The following NCAM1 variants were observed in gnomAD, a reference collection of about 807,000 sequenced individuals.
NCAM1 encodes the protein neural cell adhesion molecule 1, also known as antigen recognized by monoclonal antibody 5.1H11.
In NCAM1, 14 loss-of-function variants were observed where a neutral mutation model predicts 109.8. That is an observed-to-expected ratio of 0.13 (90% CI 0.08 to 0.20). The LOEUF is 0.20. Ranked by LOEUF, NCAM1 falls within the 10% of genes least tolerant of loss-of-function variation. The pLI, the probability that NCAM1 is intolerant of heterozygous loss-of-function variation, is 1.00. For synonymous variants in NCAM1, 418 were observed against 442.9 expected (o/e 0.94, Z 0.70); for missense variants, 774 against 1,109.9 (o/e 0.70, Z 4.30).
At chr11:113,122,984 C>T (rs545617294) in intron 1 of NCAM1, among the ~76,000 whole-genome samples, 2 of 152,156 alleles carry the variant, frequency 1.3e-5, no homozygotes, top group South Asian at 4.2e-4. Flanking sequence ...TGTTCTCACT[C>T]ATATGTGGGA....
At position 113,275,280 on chromosome 11, in the gene NCAM1, G is replaced by A; in HGVS notation, c.2470G>A (p.Glu824Lys). ...GATTCTCTGCAGGAAGGGCCCCGTA[G>A]AAGCAAAGCCAGAGTGCCAGGAGAC... ...PLTEPEKGPV[E>K]AKPECQETET... Residue 824 changes from glutamate to lysine, a missense_variant, in exon 20 of 20, where the codon GAA becomes AAA. Glu to Lys is a moderately conservative substitution (Grantham distance 56). Transcript: ENST00000316851. 1 of 1,613,812 alleles carries A rather than the reference G, an allele frequency of 6.2e-7. No homozygotes were observed. The highest frequency in any genetic ancestry group is 8.5e-7 in the Non-Finnish European group (1 of 1,179,834).
intron 1 of NCAM1, among the ~76,000 whole-genome samples, chr11:113,099,290 A>G (rs541796951): frequency 6.6e-6 from 1 of 152,290 alleles, no homozygotes; most frequent in African/African-American, 2.4e-5. Context: ...GAAATCAGAG[A>G]TAAAGAATAA....
chr11:113,130,805 T>A (rs1716492393), intron 1 of NCAM1: 1 of 152,166 alleles, frequency 6.6e-6, no homozygotes, highest in South Asian at 2.1e-4. Flanking sequence ...AAAAGATAAG[T>A]GTGACCTTGT....
chr11:112,965,520 A>C (rs772310566), intron 1 of NCAM1, among the ~76,000 whole-genome samples: 3 of 152,192 alleles, frequency 2.0e-5, no homozygotes, highest in Non-Finnish European at 4.4e-5. Context: ...AAACAGCACC[A>C]TTTTGTCACT....
rs570712614 is a variant in NCAM1, at chr11:113,072,820, T to C, written c.52+111156T>C. ...GATTTCTAAGTATTTTACATTGTTT[T>C]TTATTTTTTTTTTCATTTTTTTGAC... is the stretch of plus-strand genomic sequence containing the variant. On this transcript the variant is annotated intron_variant, in intron 1 of 19. Transcript: ENST00000316851. 8.8e-4 allele frequency among the ~76,000 whole-genome samples: 51 copies of C among 57,958 alleles called. 1 individual carries two copies. The highest frequency in any genetic ancestry group is 3.2e-3 in the African/African-American group (50 of 15,752). The allele number at this position is 57,958 out of a possible 152,430, so 38.0% of individuals were successfully genotyped here.
At chr11:113,116,951 A>C (rs1940739748) in intron 1 of NCAM1, among the ~76,000 whole-genome samples, 1 of 151,936 alleles carries the variant, frequency 6.6e-6, no homozygotes, top group Non-Finnish European at 1.5e-5. Context: ...AATGTTCTGT[A>C]GTTGGTGAGC....
In NCAM1 at chr11:113,169,947, T is replaced by G. The variant is rs1177076139; in HGVS notation, c.53-32432T>G. Among the ~76,000 whole-genome samples, 4 of 152,170 alleles carry G rather than the reference T, an allele frequency of 2.6e-5. No homozygotes were observed. In the East Asian group the frequency reaches 7.7e-4, roughly 29 times the overall value. Reference sequence around the variant, plus strand: ...TTGTTTGTTTGACTGATTCTTTTTTTCAGGAGACATGAAATAACACATCCA... The same window carrying G: ...TTGTTTGTTTGACTGATTCTTTTTTGCAGGAGACATGAAATAACACATCCA... On this transcript the variant is annotated intron_variant, in intron 1 of 19. Transcript: ENST00000316851.
chr11:113,043,363 G>C (rs187652683), intron 1 of NCAM1, among the ~76,000 whole-genome samples: 1 of 152,130 alleles, frequency 6.6e-6, no homozygotes, highest in African/African-American at 2.4e-5. Context: ...TTGAGACAGA[G>C]TTTCACTCTT....
At chr11:113,023,702 G>T (rs1952459193) in intron 1 of NCAM1, among the ~76,000 whole-genome samples, 1 of 152,144 alleles carries the variant, frequency 6.6e-6, no homozygotes. Flanking sequence ...ATGTATTCAA[G>T]ATCAAGTTAT....
intron 1 of NCAM1, among the ~76,000 whole-genome samples, chr11:113,183,102 G>A (rs951910896): frequency 6.6e-6 from 1 of 152,180 alleles, no homozygotes; most frequent in Non-Finnish European, 1.5e-5. Context: ...AGACCTTCCT[G>A]GCAAGATACA....
chr11:113,188,296 A>G (rs76660897), intron 1 of NCAM1, among the ~76,000 whole-genome samples: 4,128 of 152,270 alleles, frequency 0.027, 181 homozygotes, highest in African/African-American at 0.094. Flanking sequence ...CTCATCCTCT[A>G]TGATGAGACC....
intron 1 of NCAM1, among the ~76,000 whole-genome samples, chr11:112,984,625 A>G (rs1951246317): frequency 6.6e-6 from 1 of 151,812 alleles, no homozygotes; most frequent in Non-Finnish European, 1.5e-5. Context: ...TGTGATTTTG[A>G]TTTGTATTTT....
chr11:113,259,397 A>C (rs1461737439), intron 16 of NCAM1, among the ~76,000 whole-genome samples: 1 of 152,234 alleles, frequency 6.6e-6, no homozygotes, highest in Non-Finnish European at 1.5e-5. Context: ...GTATTCACAC[A>C]TCAGGAAGGT....
chr11:113,075,383 C>G (rs1045238166), intron 1 of NCAM1, among the ~76,000 whole-genome samples: 1 of 152,144 alleles, frequency 6.6e-6, no homozygotes, highest in Admixed American at 6.5e-5. Context: ...ATTATAAACC[C>G]TCTGCTTCCC....
intron 1 of NCAM1, chr11:112,977,500 C>T (rs74727347): frequency 6.6e-6 from 1 of 151,722 alleles, no homozygotes; most frequent in African/African-American, 2.4e-5. Context: ...AAATCATTCA[C>T]TATTTAAAAA....
At chr11:113,243,961 G>A (rs782326598) in intron 14 of NCAM1, among the ~76,000 whole-genome samples, 3 of 152,060 alleles carry the variant, frequency 2.0e-5, no homozygotes, top group South Asian at 2.1e-4. Flanking sequence ...TGTGTGCTGC[G>A]ATGAATTTTA....
chr11:112,964,259 T>G (rs1183250177), intron 1 of NCAM1, among the ~76,000 whole-genome samples: 1 of 150,776 alleles, frequency 6.6e-6, no homozygotes, highest in Non-Finnish European at 1.5e-5. Context: ...AAGCTAACCT[T>G]AATACGTCAA....
chr11:113,169,554 A>G (rs1164969739), intron 1 of NCAM1, among the ~76,000 whole-genome samples: 1 of 151,648 alleles, frequency 6.6e-6, no homozygotes, highest in Admixed American at 6.6e-5. Flanking sequence ...AGTTGGTTCT[A>G]TGAACACATG....
intron 1 of NCAM1, among the ~76,000 whole-genome samples, chr11:113,026,360 T>C (rs1555077329): frequency 6.6e-6 from 1 of 152,178 alleles, no homozygotes; most frequent in Non-Finnish European, 1.5e-5. Context: ...CCGGCTACTT[T>C]GCTTCCCCAG....
Sources: gnomAD v4.1 joint callset for allele counts (sites outside exome capture counted in the v4.1 genomes callset) on GRCh38, gnomAD v4.1.1 for gene constraint, MANE v1.5 for transcripts, NCBI Gene and HGNC (gene_info 2026-07-23, HGNC 2026-07-21) for gene names.